Variants in PIK3CD observed in about 807,000 individuals in gnomAD.
The protein encoded by PIK3CD is phosphatidylinositol-4,5-bisphosphate 3-kinase catalytic subunit delta, also known as phosphatidylinositol 4,5-bisphosphate 3-kinase catalytic subunit delta isoform.
Under a neutral mutation model 122.9 loss-of-function variants are expected in PIK3CD, and 20 were observed. That is an observed-to-expected ratio of 0.16 (90% CI 0.11 to 0.24). The LOEUF (loss-of-function observed/expected upper bound fraction) is 0.24. PIK3CD is among the 10% of genes least tolerant of loss of function. The probability of loss-of-function intolerance (pLI) is 1.00; values close to 1 mark genes in which losing one functional copy is unlikely to be tolerated. For synonymous variants in PIK3CD, 596 were observed against 593.4 expected, an observed-to-expected ratio of 1.00 and a Z score of -0.06; for missense variants, 787 against 1,406.3, an observed-to-expected ratio of 0.56 and a Z score of 7.04.
chr1:9,654,417 C>T, intron 1 of PIK3CD: 1 of 1,367,548 alleles, frequency 7.3e-7, no homozygotes, highest in South Asian at 1.1e-5. Context: ...AAGAACAGGG[C>T]AGGCAGACTG....
chr1:9,637,522 T>C, the PIK3CD span, among the ~76,000 whole-genome samples: 15 of 151,478 alleles, frequency 9.9e-5, 1 homozygote, highest in Admixed American at 9.9e-4. Flanking sequence ...TCTTAATAGA[T>C]AAGTAAATAC....
intron 15 of PIK3CD, 72 bp downstream of exon 15, chr1:9,721,659 G>A (rs1037226056): frequency 5.6e-6 from 9 of 1,607,946 alleles, no homozygotes; most frequent in African/African-American, 5.3e-5. Flanking sequence ...CACTGGGGAC[G>A]TTTCCAGCAG....
At chr1:9,661,763 G>A (rs1645015245) in intron 1 of PIK3CD, among the ~76,000 whole-genome samples, 1 of 152,160 alleles carries the variant, frequency 6.6e-6, no homozygotes, top group Non-Finnish European at 1.5e-5. Context: ...TTGGGAGGCC[G>A]AGGCGGACGG....
chr1:9,655,937 T>A lies in PIK3CD; in HGVS notation c.-138+4135T>A, dbSNP rs763901136. On this transcript the variant is annotated intron_variant, in intron 1 of 23. Transcript: ENST00000377346. ...GTCTCGAACTCCTGACCTTAGGTGA[T>A]CTGCCCACCTTGGCCTCCCAGAGCG... Among the ~76,000 whole-genome samples the A allele has an allele frequency of 2.3e-4, 35 of 152,284 alleles. 1 individual carries two copies. The highest frequency in any genetic ancestry group is 7.7e-4 in the East Asian group (4 of 5,180).
In PIK3CD at chr1:9,717,452, C is replaced by T; in HGVS notation, c.931-85C>T. 7.5e-7 allele frequency: 1 copy of T among 1,324,792 alleles called. No homozygotes were observed. The highest frequency in any genetic ancestry group is 2.3e-5 in the East Asian group (1 of 43,540). 82.1% of individuals were successfully genotyped at this position (1,324,792 alleles called of 1,614,324 possible). ...AAACCTGTGACCCTCTCACCCGCCCCCAAGTGGTCACGGGCCTCACCATAG... is the reference window on the plus strand; with the variant it reads ...AAACCTGTGACCCTCTCACCCGCCCTCAAGTGGTCACGGGCCTCACCATAG... On this transcript the variant is annotated intron_variant, in intron 7 of 23. Coordinates refer to ENST00000377346, the MANE Select transcript of PIK3CD (RefSeq NM_005026.5). This position sits in a 1 kb window ranked among gnomAD's most constrained non-coding sequence, Gnocchi z 5.4.
chr1:9,687,282 C>G (rs1450550200), intron 1 of PIK3CD: 4 of 152,288 alleles, frequency 2.6e-5, no homozygotes, highest in African/African-American at 7.2e-5. Flanking sequence ...TGAAGCTCGT[C>G]TGCCCTTTGG....
At position 9,722,428 on chromosome 1, in the gene PIK3CD, TGGA is replaced by T; in HGVS notation, c.2347+74_2347+76del. 1 of 1,541,184 alleles carries T rather than the reference TGGA, an allele frequency of 6.5e-7. No homozygotes were observed. On this transcript the variant is annotated intron_variant, in intron 18 of 23. Coordinates refer to ENST00000377346, the MANE Select transcript of PIK3CD (RefSeq NM_005026.5). The surrounding 1 kb of genome is among the most constrained non-coding windows in gnomAD (Gnocchi z 7.6). The stretch of plus-strand genomic sequence containing the variant: ...TCCTGGGGTGCTCCTAGAGTGGGGG[TGGA>T]GAAGACAGAATCCTGGGACTTAAGG...
At chr1:9,705,664 A>AT (rs1191072624) in intron 2 of PIK3CD, among the ~76,000 whole-genome samples, 1 of 152,254 alleles carries the variant, frequency 6.6e-6, no homozygotes, top group East Asian at 1.9e-4. Context: ...ATTAAAAAAG[A>AT]TTAAGTAACC....
chr1:9,726,308 A>G (rs903403859), intron 23 of PIK3CD, among the ~76,000 whole-genome samples: 1 of 152,122 alleles, frequency 6.6e-6, no homozygotes, highest in South Asian at 2.1e-4. Context: ...GGAGATCGAG[A>G]CCATCCTGGC....
Position 9,719,986 on chromosome 1 carries a change from A to G in PIK3CD, c.1308A>G (p.Glu436=). 1 of 1,613,700 alleles carries G rather than the reference A, an allele frequency of 6.2e-7. No homozygotes were observed. The highest frequency in any genetic ancestry group is 2.2e-5 in the East Asian group (1 of 44,866). The change falls in exon 10 of 24, where the codon GAA becomes GAG. Residue 436 remains glutamate, a synonymous_variant. Transcript: ENST00000377346. This position sits in a 1 kb window ranked among gnomAD's most constrained non-coding sequence, Gnocchi z 5.5. ...ACAAGGACCAGCTTAAGACCGGGGA[A>G]CGCTGCCTCTACATGTGGCCCTCCG... ...FDYKDQLKTG[E]RCLYMWPSVP... is the part of the protein sequence containing the mutation.
In PIK3CD at chr1:9,724,269, C is replaced by T. The variant is rs199593360; in HGVS notation, c.2719-7C>T. ...TCAATCCTCCCCCTCCTCTCCCCTC[C>T]CCTCAGCTGTTCCACATTGATTTTG... On this transcript the variant is annotated splice_region_variant and splice_polypyrimidine_tract_variant and intron_variant, in intron 21 of 23. Transcript: ENST00000377346. This position sits in a 1 kb window ranked among gnomAD's most constrained non-coding sequence, Gnocchi z 7.3. 1.4e-4 allele frequency: 234 copies of T among 1,614,036 alleles called. No homozygotes were observed. The highest frequency in any genetic ancestry group is 1.9e-4 in the Non-Finnish European group (229 of 1,180,042).
chr1:9,692,592 T>C (rs1465452897), intron 2 of PIK3CD, among the ~76,000 whole-genome samples: 1 of 151,970 alleles, frequency 6.6e-6, no homozygotes, highest in Non-Finnish European at 1.5e-5. Context: ...TAGCTGGGCG[T>C]AGTGGTGGGC....
chr1:9,681,267 G>C (rs752111132), intron 1 of PIK3CD: 3 of 152,094 alleles, frequency 2.0e-5, no homozygotes, highest in African/African-American at 7.2e-5. Flanking sequence ...TTAGAGATAG[G>C]GTCTCTGCTG....
chr1:9,655,885 C>G (rs552405427), intron 1 of PIK3CD, among the ~76,000 whole-genome samples: 1 of 151,896 alleles, frequency 6.6e-6, no homozygotes, highest in Non-Finnish European at 1.5e-5. Context: ...TTAGCAGTGA[C>G]GGTGTTTTGC....
the PIK3CD span, among the ~76,000 whole-genome samples, chr1:9,641,034 C>A: frequency 3.4e-4 from 52 of 152,304 alleles, no homozygotes; most frequent in African/African-American, 1.2e-3. Flanking sequence ...AGTCCCCCTT[C>A]CCCTGTCTCT....
rs1648349101 is a variant in PIK3CD, at chr1:9,720,423, G to A, written c.1470+181G>A. 5 of 1,392,226 alleles carry A rather than the reference G, an allele frequency of 3.6e-6. No homozygotes were observed. Among genetic ancestry groups the A allele is most frequent in the East Asian group, 2.5e-5 (1 of 39,698 alleles). The allele number at this position is 1,392,226 out of a possible 1,614,324, so 86.2% of individuals were successfully genotyped here. ...TGCTGCGCAGTCTGATGACATTTTC[G>A]GTTGTCACAGCTGCCAGGAGGGATG... On this transcript the variant is annotated intron_variant, in intron 11 of 23. Transcript: ENST00000377346. This position sits in a 1 kb window ranked among gnomAD's most constrained non-coding sequence, Gnocchi z 9.0.
chr1:9,697,355 G>A (rs1473321548), intron 2 of PIK3CD, among the ~76,000 whole-genome samples: 1 of 152,040 alleles, frequency 6.6e-6, no homozygotes, highest in Non-Finnish European at 1.5e-5. Flanking sequence ...TCGGAGGACT[G>A]CTACTTTGTA....
chr1:9,666,559 T>C (rs1645166663), intron 1 of PIK3CD, among the ~76,000 whole-genome samples: 1 of 151,548 alleles, frequency 6.6e-6, no homozygotes, highest in Non-Finnish European at 1.5e-5. Context: ...GATTGGCAAC[T>C]CGTTGAAAGA....
At chr1:9,635,913 A>C in the PIK3CD span, among the ~76,000 whole-genome samples, 1 of 152,226 alleles carries the variant, frequency 6.6e-6, no homozygotes, top group Admixed American at 6.5e-5. Context: ...TAGGGCCTGG[A>C]GCCCAGACAG....
Sources: allele counts gnomAD v4.1 joint callset (sites outside exome capture counted in the v4.1 genomes callset), GRCh38; gene constraint gnomAD v4.1.1; non-coding constraint Gnocchi (gnomAD v3.1); transcripts MANE v1.5; gene names NCBI Gene and HGNC (gene_info 2026-07-23, HGNC 2026-07-21).